The following DLGAP2 variants were observed in gnomAD, a reference collection of about 807,000 sequenced individuals.
DLGAP2 encodes disks large-associated protein 2.
DLGAP2 carries 26 observed loss-of-function variants against 100.3 expected under a neutral mutation model. The observed-to-expected ratio is 0.26, with a 90% CI of 0.19 to 0.36. The LOEUF is 0.36. Ranked by LOEUF, DLGAP2 falls within the 10% of genes least tolerant of loss-of-function variation. The pLI is 1.00. For synonymous variants in DLGAP2, 886 were observed against 630.1 expected (o/e 1.41, Z -6.08); for missense variants, 1,858 against 1,453.2 (o/e 1.28, Z -4.53).
intron 13 of DLGAP2, 91 bp downstream of exon 13, chr8:1,691,717 A>G: frequency 1.8e-6 from 2 of 1,139,358 alleles, no homozygotes; most frequent in Non-Finnish European, 2.6e-6. Context: ...CTTGTCAAAG[A>G]GTTCCCATCG....
chr8:1,272,338 G>C (rs145261935), intron 3 of DLGAP2, among the ~76,000 whole-genome samples: 1,627 of 152,164 alleles, frequency 0.011, 20 homozygotes, highest in South Asian at 0.057. Context: ...TATTGTGGTA[G>C]GGGCCAAGGA....
chr8:1,313,623 G>A (rs1288454855), intron 3 of DLGAP2, among the ~76,000 whole-genome samples: 1 of 152,114 alleles, frequency 6.6e-6, no homozygotes, highest in African/African-American at 2.4e-5. Flanking sequence ...CCAAAGTCAG[G>A]GGTGGATTCA....
At position 1,419,497 on chromosome 8, in the gene DLGAP2, AATGGTTATTTTTGGTTGACTGATAG is replaced by A. The variant is rs1797033442; in HGVS notation, c.107-81868_107-81844del. Among the ~76,000 whole-genome samples the A allele has an allele frequency of 6.8e-5, 10 of 147,330 alleles. No individual in the cohort carries two copies. In the South Asian group the frequency reaches 2.2e-3, roughly 32 times the overall value. On this transcript the variant is annotated intron_variant, in intron 3 of 14. Transcript: ENST00000637795. Reference sequence around the variant, plus strand: ...GTGTAGGTTTTGTTTTCATTTTATAAATGGTTATTTTTGGTTGACTGATAGTAATTGTACATATCTGTGGATCTTG... The same window carrying A: ...GTGTAGGTTTTGTTTTCATTTTATAATAATTGTACATATCTGTGGATCTTG...
At position 760,047 on chromosome 8, in the gene DLGAP2, G is replaced by T. The variant is rs1821041346; in HGVS notation, c.18+22222G>T. ...TGCTTTTTTGTATAAGCCGAACATT[G>T]CAAATACATCTCTGTGTCCACCTTA... On this transcript the variant is annotated intron_variant, in intron 1 of 14. Coordinates refer to ENST00000637795, the MANE Select transcript of DLGAP2 (RefSeq NM_001346810.2). Among the ~76,000 whole-genome samples the T allele has an allele frequency of 2.0e-5, 3 of 152,324 alleles. 1 individual carries two copies. In the South Asian group the frequency reaches 6.2e-4, roughly 32 times the overall value.
intron 6 of DLGAP2, among the ~76,000 whole-genome samples, chr8:1,576,272 A>T (rs1023076361): frequency 6.6e-6 from 1 of 152,188 alleles, no homozygotes; most frequent in Non-Finnish European, 1.5e-5. Flanking sequence ...TCTTCTTTTG[A>T]GAAGTGTCTG....
intron 1 of DLGAP2, among the ~76,000 whole-genome samples, chr8:793,939 C>T (rs552810186): frequency 5.3e-5 from 8 of 152,230 alleles, no homozygotes; most frequent in Admixed American, 1.3e-4. Context: ...GGGTTTTCTT[C>T]GCCTGCCATA....
chr8:1,341,125 A>G (rs777706652), intron 3 of DLGAP2, among the ~76,000 whole-genome samples: 2 of 152,146 alleles, frequency 1.3e-5, no homozygotes, highest in Non-Finnish European at 2.9e-5. Flanking sequence ...AAAGTAACTA[A>G]TTGATAGTAG....
At chr8:766,913 CG>C (rs767926505) in intron 1 of DLGAP2, among the ~76,000 whole-genome samples, 16 of 152,018 alleles carry the variant, frequency 1.1e-4, no homozygotes, top group Non-Finnish European at 1.0e-4. Context: ...TGTGAAGACC[CG>C]GGTGGGCAAC....
intron 1 of DLGAP2, among the ~76,000 whole-genome samples, chr8:806,393 T>C (rs1399033736): frequency 6.6e-6 from 1 of 152,166 alleles, no homozygotes; most frequent in African/African-American, 2.4e-5. Context: ...TCTGGATCTG[T>C]GAGTGGCGTG....
At chr8:1,108,970 T>C (rs1209055562) in intron 2 of DLGAP2, among the ~76,000 whole-genome samples, 18 of 116,244 alleles carry the variant, frequency 1.5e-4, no homozygotes, top group South Asian at 3.2e-4. Context: ...GTGAGGTGTG[T>C]ACGGGTCTGT....
intron 2 of DLGAP2, among the ~76,000 whole-genome samples, chr8:1,163,117 T>A (rs1030559971): frequency 9.9e-5 from 15 of 152,204 alleles, no homozygotes; most frequent in African/African-American, 3.6e-4. Flanking sequence ...TGATCGTGTG[T>A]CTTGTCCCCT....
At chr8:1,648,560 T>C (rs1420298161) in intron 8 of DLGAP2, among the ~76,000 whole-genome samples, 1 of 152,072 alleles carries the variant, frequency 6.6e-6, no homozygotes, top group Non-Finnish European at 1.5e-5. Flanking sequence ...GGTCCCCTCA[T>C]TGGTCCCCTC....
At chr8:1,376,031 CATTT>C (rs1802377099) in intron 3 of DLGAP2, among the ~76,000 whole-genome samples, 1 of 53,418 alleles carries the variant, frequency 1.9e-5, no homozygotes, top group African/African-American at 8.7e-5. Flanking sequence ...CCACCTCCTA[CATTT>C]GGGTTAACGA....
At chr8:829,492 A>G (rs1377695878) in intron 1 of DLGAP2, among the ~76,000 whole-genome samples, 3 of 152,244 alleles carry the variant, frequency 2.0e-5, no homozygotes, top group African/African-American at 7.2e-5. Flanking sequence ...TTTTAGTTCA[A>G]CAAGTTAGGA....
At chr8:1,158,063 T>C (rs1458761332) in intron 2 of DLGAP2, among the ~76,000 whole-genome samples, 1 of 152,232 alleles carries the variant, frequency 6.6e-6, no homozygotes, top group Non-Finnish European at 1.5e-5. Flanking sequence ...ACTGTGCAGC[T>C]GCACAGCTGC....
chr8:1,033,141 G>C (rs1486865718), intron 2 of DLGAP2, among the ~76,000 whole-genome samples: 1 of 151,610 alleles, frequency 6.6e-6, no homozygotes, highest in South Asian at 2.1e-4. Context: ...CTCTGTCTCA[G>C]GCACTGACCT....
intron 3 of DLGAP2, among the ~76,000 whole-genome samples, chr8:1,346,235 T>G (rs1801552222): frequency 6.7e-6 from 1 of 149,640 alleles, no homozygotes; most frequent in South Asian, 2.2e-4. Context: ...GAGTTCCCCG[T>G]ACACATCTGC....
intron 3 of DLGAP2, among the ~76,000 whole-genome samples, chr8:1,376,621 C>T (rs950440634): frequency 2.6e-5 from 4 of 152,000 alleles, no homozygotes; most frequent in African/African-American, 4.8e-5. Flanking sequence ...GTGACAGGGA[C>T]GTGCCAGCTC....
intron 6 of DLGAP2, among the ~76,000 whole-genome samples, chr8:1,602,181 T>G (rs188960328): frequency 6.8e-4 from 104 of 152,322 alleles, no homozygotes; most frequent in African/African-American, 2.4e-3. Flanking sequence ...TATTCGATAT[T>G]AATGTTTGTT....
Sources: gnomAD v4.1 joint callset for allele counts (sites outside exome capture counted in the v4.1 genomes callset) on GRCh38, gnomAD v4.1.1 for gene constraint, MANE v1.5 for transcripts, NCBI Gene and HGNC (gene_info 2026-07-23, HGNC 2026-07-21) for gene names.